GABRB1: variants seen among roughly 807,000 people sequenced by gnomAD.
GABRB1 encodes gamma-aminobutyric acid receptor subunit beta-1.
A neutral mutation model predicts 51.6 loss-of-function variants in GABRB1; 17 were observed. The observed-to-expected ratio is 0.33, with a 90% CI of 0.23 to 0.49. The LOEUF (loss-of-function observed/expected upper bound fraction) is 0.49. Ranked by LOEUF, GABRB1 falls within the 20% of genes least tolerant of loss-of-function variation. GABRB1 has a pLI of 0.99. For synonymous variants in GABRB1, 247 were observed against 218.9 expected, an observed-to-expected ratio of 1.13 and a Z score of -1.14; for missense variants, 410 against 600.6, an observed-to-expected ratio of 0.68 and a Z score of 3.32.
chr4:47,237,696 T>C (rs1303517045), intron 4 of GABRB1, among the ~76,000 whole-genome samples: 2 of 151,960 alleles, frequency 1.3e-5, no homozygotes, highest in African/African-American at 4.8e-5. Context: ...TGAGCAGGTA[T>C]GAAGAACAAA....
chr4:47,308,539 A>C (rs1384428280), intron 4 of GABRB1, among the ~76,000 whole-genome samples: 1 of 151,752 alleles, frequency 6.6e-6, no homozygotes, highest in African/African-American at 2.4e-5. Flanking sequence ...ATACTCCATC[A>C]CTCTTGAATT....
chr4:47,085,488 A>G (rs780006654), intron 3 of GABRB1, among the ~76,000 whole-genome samples: 1 of 152,236 alleles, frequency 6.6e-6, no homozygotes, highest in Non-Finnish European at 1.5e-5. Flanking sequence ...GCCTATGACA[A>G]TAGAAATACT....
intron 3 of GABRB1, among the ~76,000 whole-genome samples, chr4:47,121,781 C>T (rs928838120): frequency 2.0e-5 from 3 of 152,086 alleles, no homozygotes; most frequent in Admixed American, 1.3e-4. Flanking sequence ...AGACAACAGT[C>T]GTTTGGAATT....
At chr4:47,262,294 T>A (rs528939658) in intron 4 of GABRB1, among the ~76,000 whole-genome samples, 1 of 152,194 alleles carries the variant, frequency 6.6e-6, no homozygotes, top group Non-Finnish European at 1.5e-5. Flanking sequence ...AAACTACACA[T>A]CTGGCAAAGG....
chr4:47,311,398 C>T (rs1344515240), intron 4 of GABRB1, among the ~76,000 whole-genome samples: 3 of 129,004 alleles, frequency 2.3e-5, no homozygotes, highest in South Asian at 2.4e-4. Context: ...GATAACGGAG[C>T]GAGACTCTGT....
intron 3 of GABRB1, among the ~76,000 whole-genome samples, chr4:47,098,859 C>A (rs1714589751): frequency 6.6e-6 from 1 of 152,036 alleles, no homozygotes; most frequent in South Asian, 2.1e-4. Context: ...GAGTAGATAT[C>A]ACCTAGTGGC....
intron 3 of GABRB1, among the ~76,000 whole-genome samples, chr4:47,073,762 T>C (rs1727438014): frequency 1.3e-5 from 2 of 152,208 alleles, no homozygotes; most frequent in Admixed American, 1.3e-4. Context: ...ATGCACCACC[T>C]AGAGTGCCTT....
intron 4 of GABRB1, among the ~76,000 whole-genome samples, chr4:47,195,405 TA>T (rs1218594574): frequency 6.7e-4 from 33 of 49,424 alleles, no homozygotes; most frequent in South Asian, 8.4e-4. Flanking sequence ...GATAGATAGA[TA>T]GATAGATAGA....
chr4:47,042,284 T>TG (rs891087439), intron 3 of GABRB1, among the ~76,000 whole-genome samples: 1 of 150,450 alleles, frequency 6.6e-6, no homozygotes, highest in African/African-American at 2.4e-5. Context: ...ATGTTGACCA[T>TG]GAATCATGAG....
At chr4:47,194,601 G>T (rs2109787619) in intron 4 of GABRB1, among the ~76,000 whole-genome samples, 1 of 152,204 alleles carries the variant, frequency 6.6e-6, no homozygotes, top group South Asian at 2.1e-4. Flanking sequence ...TCATCAGGTG[G>T]GTGTCATTCA....
chr4:47,032,840 G>A, intron 3 of GABRB1: 1 of 452,560 alleles, frequency 2.2e-6, no homozygotes, highest in Non-Finnish European at 4.5e-6. Flanking sequence ...CCTGCACTAG[G>A]GTCCCCGGAC....
chr4:47,098,624 C>T (rs774864801), intron 3 of GABRB1, among the ~76,000 whole-genome samples: 4 of 152,036 alleles, frequency 2.6e-5, no homozygotes, highest in Admixed American at 6.6e-5. Context: ...TCCATTATCT[C>T]ATATAGATCT....
chr4:47,384,059 A>AT (rs1038322311), intron 5 of GABRB1, among the ~76,000 whole-genome samples: 3 of 152,040 alleles, frequency 2.0e-5, no homozygotes, highest in African/African-American at 2.4e-5. Flanking sequence ...TTTGATGTTT[A>AT]TTTTTCCCAA....
At chr4:47,139,623 C>T (rs1477539333) in intron 3 of GABRB1, among the ~76,000 whole-genome samples, 1 of 152,020 alleles carries the variant, frequency 6.6e-6, no homozygotes, top group Non-Finnish European at 1.5e-5. Flanking sequence ...TTTTAACCAA[C>T]TCCCCAAGTG....
At chr4:47,123,805 C>A (rs28601644) in intron 3 of GABRB1, among the ~76,000 whole-genome samples, 33 of 66,784 alleles carry the variant, frequency 4.9e-4, no homozygotes, top group South Asian at 2.7e-3. Flanking sequence ...TATTATATAT[C>A]ATATATTATA....
At chr4:47,212,462 C>T (rs1194170737) in intron 4 of GABRB1, among the ~76,000 whole-genome samples, 1 of 152,076 alleles carries the variant, frequency 6.6e-6, no homozygotes, top group African/African-American at 2.4e-5. Flanking sequence ...GGATCACCTG[C>T]GGTCAGGAGT....
intron 3 of GABRB1, among the ~76,000 whole-genome samples, chr4:47,036,911 A>G (rs1179542417): frequency 6.6e-6 from 1 of 152,242 alleles, no homozygotes; most frequent in Admixed American, 6.5e-5. Flanking sequence ...AAAAAAAGAA[A>G]TGAACTTTTT....
At chr4:47,094,761 G>GT (rs201618247) in intron 3 of GABRB1, among the ~76,000 whole-genome samples, 2,684 of 143,920 alleles carry the variant, frequency 0.019, 55 homozygotes, top group African/African-American at 0.058. Flanking sequence ...GAACTTAAAG[G>GT]TAAAAAAAAA....
At chr4:47,078,284 C>T (rs997517935) in intron 3 of GABRB1, among the ~76,000 whole-genome samples, 1 of 151,936 alleles carries the variant, frequency 6.6e-6, no homozygotes, top group African/African-American at 2.4e-5. Flanking sequence ...CGCGCCCGGC[C>T]TATAATTAGA....
Sources: gnomAD v4.1 joint callset for allele counts (sites outside exome capture counted in the v4.1 genomes callset) on GRCh38, gnomAD v4.1.1 for gene constraint, MANE v1.5 for transcripts, NCBI Gene and HGNC (gene_info 2026-07-23, HGNC 2026-07-21) for gene names.